TBC1D19: variants seen among roughly 807,000 people sequenced by gnomAD.
TBC1D19 encodes TBC1 domain family member 19, also known as TBC1 domain family, member 19.
TBC1D19 carries 60 observed loss-of-function variants against 89.0 expected under a neutral mutation model. The ratio of observed to expected loss-of-function variants is 0.67; its 90% CI spans 0.55 to 0.84. TBC1D19 has a LOEUF of 0.84. Among genes scored for constraint, TBC1D19 ranks in the 40% least tolerant of loss-of-function variants. The pLI is 0.00. For synonymous variants in TBC1D19, 189 were observed against 199.7 expected, an observed-to-expected ratio of 0.95 and a Z score of 0.45; for missense variants, 500 against 610.8, an observed-to-expected ratio of 0.82 and a Z score of 1.91.
chr4:26,596,029 T>C (rs1177623151), intron 1 of TBC1D19, among the ~76,000 whole-genome samples: 1 of 152,122 alleles, frequency 6.6e-6, no homozygotes. Flanking sequence ...TGATCTTAGC[T>C]CTCTGCAACC....
the TBC1D19 span, among the ~76,000 whole-genome samples, chr4:26,803,222 T>A: frequency 8.5e-3 from 1,296 of 152,036 alleles, 18 homozygotes; most frequent in African/African-American, 0.03. Context: ...AAGAAAAAAA[T>A]AAATAAACCA....
chr4:26,584,197 T>C lies in TBC1D19; in HGVS notation c.4T>C (p.Leu2=), dbSNP rs1739264837. The C allele has an allele frequency of 6.2e-7, 1 of 1,609,786 alleles. No homozygotes were observed. Among genetic ancestry groups the C allele is most frequent in the African/African-American group, 1.3e-5 (1 of 75,006 alleles). Residue 2 remains leucine, a synonymous_variant, in exon 1 of 21, where the codon TTG becomes CTG. Transcript: ENST00000264866. The part of the protein sequence containing the change: M[L]QEESDLSLII... ...TTGGCGGGCTAGGGCAGGGGAAATG[T>C]TGCAGGAGGAGTCGGACCTCTCTCT...
rs1380282841 is a variant in TBC1D19 at position 26,620,678 on chromosome 4, G to T, written c.284G>T (p.Arg95Met). ...CTTAAAGAACCTTTGGTATACATGA[G>T]GAAAGCACAGGTTGGCTATTGTTCA... is the stretch of plus-strand genomic sequence containing the variant. The part of the protein sequence containing the change: ...EHLKEPLVYM[R>M]KAQGSWEKRI... Residue 95 changes from arginine (R) to methionine (M), a missense_variant, in exon 4 of 21, where the codon AGG becomes ATG. Around this residue, in one of 2 missense-constraint regions of TBC1D19, gnomAD observed 280 missense variants for 291.7 expected, o/e 0.96. Transcript: ENST00000264866. The T allele has an allele frequency of 6.2e-7, 1 of 1,613,242 alleles. No homozygotes were observed. The highest frequency in any genetic ancestry group is 1.7e-5 in the Admixed American group (1 of 59,936).
the TBC1D19 span, among the ~76,000 whole-genome samples, chr4:26,851,311 A>ATCTATCTATCTGTCTGTCTGTCTG: frequency 1.3e-4 from 15 of 114,790 alleles, no homozygotes; most frequent in African/African-American, 2.9e-4. Context: ...TACCCTATCT[A>ATCTATCTATCTGTCTGTCTGTCTG]TCTATCTATC....
At chr4:26,839,989 G>A in the TBC1D19 span, among the ~76,000 whole-genome samples, 5 of 152,210 alleles carry the variant, frequency 3.3e-5, no homozygotes, top group African/African-American at 7.2e-5. Flanking sequence ...TGTGGACACC[G>A]CATTGATAAA....
rs1178975743 is a variant in TBC1D19 at position 26,675,371 on chromosome 4, A to G, written c.816+1483A>G. On this transcript the variant is annotated intron_variant, in intron 11 of 20. Transcript: ENST00000264866. ...ACAGTGTTCAAAAATCATTTTTACT[A>G]CTTGTAGGTGTTTTCTTGTAAAAAG... Among the ~76,000 whole-genome samples, 4 of 152,062 alleles carry G rather than the reference A, an allele frequency of 2.6e-5. No individual in the cohort carries two copies. The East Asian group carries it at 5.8e-4, about 22-fold the overall frequency.
intron 1 of TBC1D19, among the ~76,000 whole-genome samples, chr4:26,599,676 T>G (rs1740461709): frequency 6.6e-6 from 1 of 152,176 alleles, no homozygotes; most frequent in Non-Finnish European, 1.5e-5. Flanking sequence ...CCAAGTGCAG[T>G]GGCTCACGCC....
chr4:26,576,728 C>T (rs1738982688), exon 1 of TBC1D19: 2 of 456,100 alleles, frequency 4.4e-6, no homozygotes, highest in Non-Finnish European at 8.8e-6. Context: ...GGCAGAGAGC[C>T]ACAGAGCCAC....
intron 13 of TBC1D19, among the ~76,000 whole-genome samples, chr4:26,697,444 C>T (rs1315598663): frequency 6.6e-6 from 1 of 152,152 alleles, no homozygotes; most frequent in Non-Finnish European, 1.5e-5. Flanking sequence ...CAAGGAGGAG[C>T]TGGTACCATT....
chr4:26,671,094 A>G (rs1712263198), intron 9 of TBC1D19, among the ~76,000 whole-genome samples: 1 of 151,664 alleles, frequency 6.6e-6, no homozygotes, highest in Admixed American at 6.6e-5. Context: ...ATATGCACAT[A>G]TGTTCAGTGT....
chr4:26,846,911 A>G, the TBC1D19 span, among the ~76,000 whole-genome samples: 1 of 152,010 alleles, frequency 6.6e-6, no homozygotes, highest in East Asian at 1.9e-4. Flanking sequence ...ACTGATTTTC[A>G]GGCTCCTTCA....
At chr4:26,792,351 G>A in the TBC1D19 span, among the ~76,000 whole-genome samples, 1 of 152,154 alleles carries the variant, frequency 6.6e-6, no homozygotes, top group Non-Finnish European at 1.5e-5. Flanking sequence ...TTGGCAACGT[G>A]GAAACTACTA....
chr4:26,624,633 G>C (rs982457734), intron 4 of TBC1D19, among the ~76,000 whole-genome samples: 4 of 152,076 alleles, frequency 2.6e-5, no homozygotes, highest in Non-Finnish European at 4.4e-5. Flanking sequence ...TGTAGCAGGA[G>C]CTTAGTAACT....
chr4:26,776,441 TTA>T, the TBC1D19 span, among the ~76,000 whole-genome samples: 8 of 152,208 alleles, frequency 5.3e-5, no homozygotes, highest in African/African-American at 1.9e-4. Context: ...AATGTCTGTA[TTA>T]TATGTTTTTC....
intron 7 of TBC1D19, among the ~76,000 whole-genome samples, chr4:26,657,003 C>CTCCTTCTCCTTT: frequency 8.2e-6 from 1 of 122,016 alleles, no homozygotes; most frequent in South Asian, 3.2e-4. Flanking sequence ...CCTTCTCCTT[C>CTCCTTCTCCTTT]TCCTTCTCCT....
chr4:26,605,209 C>G (rs1456073884), intron 1 of TBC1D19, among the ~76,000 whole-genome samples: 1 of 118,072 alleles, frequency 8.5e-6, no homozygotes, highest in Non-Finnish European at 1.7e-5. Flanking sequence ...CCCCCTCCCC[C>G]CACCCCACAA....
rs537277218 is a variant in TBC1D19 at position 26,711,883 on chromosome 4, T to G, written c.955-6050T>G. On this transcript the variant is annotated intron_variant, in intron 13 of 20. Coordinates refer to ENST00000264866, the MANE Select transcript of TBC1D19 (RefSeq NM_018317.4). ...GAATAAGAGTTGGCAGCTCTTTGCT[T>G]GTATCACAGGATTGCACACCAGTAC... 3.9e-5 allele frequency among the ~76,000 whole-genome samples: 6 copies of G among 152,182 alleles called. No individual in the cohort carries two copies. The South Asian group carries it at 1.2e-3, about 32-fold the overall frequency.
chr4:26,838,143 T>G, the TBC1D19 span, among the ~76,000 whole-genome samples: 3 of 152,156 alleles, frequency 2.0e-5, no homozygotes, highest in African/African-American at 4.8e-5. Flanking sequence ...TTCCTCTGTT[T>G]GCCACCAAGT....
At chr4:26,581,795 A>G (rs1398042621), upstream of TBC1D19, among the ~76,000 whole-genome samples, 1 of 152,180 alleles carries the variant, frequency 6.6e-6, no homozygotes, top group Non-Finnish European at 1.5e-5. Context: ...GAAAGAAAGG[A>G]CCATTTCTTA....
Sources: allele counts gnomAD v4.1 joint callset (sites outside exome capture counted in the v4.1 genomes callset), GRCh38; gene constraint gnomAD v4.1.1; regional missense constraint gnomAD v4.1.1; transcripts MANE v1.5; gene names NCBI Gene and HGNC (gene_info 2026-07-23, HGNC 2026-07-21).